The following CFAP100 variants were observed in gnomAD, a reference collection of about 807,000 sequenced individuals.
CFAP100 encodes cilia and flagella associated protein 100.
A neutral mutation model predicts 81.5 loss-of-function variants in CFAP100; 70 were observed. The ratio of observed to expected loss-of-function variants is 0.86; its 90% CI spans 0.71 to 1.05. CFAP100 has a LOEUF of 1.05. Among genes scored for constraint, CFAP100 ranks in the 50% least tolerant of loss-of-function variants. The pLI is 0.00. For missense variants in CFAP100, 811 were observed against 776.5 expected (o/e 1.04, Z -0.53); for synonymous variants, 341 against 314.8 (o/e 1.08, Z -0.88).
At chr3:126,415,272 C>T (rs1249071498) in intron 4 of CFAP100, among the ~76,000 whole-genome samples, 1 of 151,930 alleles carries the variant, frequency 6.6e-6, no homozygotes, top group African/African-American at 2.4e-5. Flanking sequence ...ACCCACCCAA[C>T]AGGATCACCA....
At chr3:126,423,759 G>A in intron 13 of CFAP100, 115 bp downstream of exon 13, 1 of 1,263,240 alleles carries the variant, frequency 7.9e-7, no homozygotes, top group Non-Finnish European at 1.1e-6. Flanking sequence ...CCCTGGCCTG[G>A]TCCAGGTTGT....
At chr3:126,421,184 A>G (rs1037346832) in intron 11 of CFAP100, among the ~76,000 whole-genome samples, 1 of 151,856 alleles carries the variant, frequency 6.6e-6, no homozygotes, top group Admixed American at 6.6e-5. Context: ...TTGTATTTTT[A>G]GTAGAGACGG....
chr3:126,417,128 A>T (rs1379287750), intron 5 of CFAP100, among the ~76,000 whole-genome samples: 1 of 152,178 alleles, frequency 6.6e-6, no homozygotes, highest in Non-Finnish European at 1.5e-5. Context: ...ATGGAGCTGG[A>T]CCTAGGTTTC....
intron 3 of CFAP100, among the ~76,000 whole-genome samples, chr3:126,408,744 G>A (rs750533999): frequency 5.9e-5 from 9 of 152,062 alleles, no homozygotes; most frequent in Non-Finnish European, 1.0e-4. Context: ...CTGACCCTCC[G>A]CACAAACTAT....
intron 2 of CFAP100, among the ~76,000 whole-genome samples, chr3:126,401,400 TATATATATATATATATATATATATA>T (rs1560061172): frequency 4.9e-4 from 20 of 40,986 alleles, no homozygotes; most frequent in East Asian, 3.7e-3. Flanking sequence ...TCGTATTTTA[TATATATATATATATATATATATATA>T]TATATATATA....
Position 126,427,893 on chromosome 3 carries a change from C to T in CFAP100, c.1286+4249C>T, listed in dbSNP as rs927024295. 3.9e-5 allele frequency among the ~76,000 whole-genome samples: 6 copies of T among 152,314 alleles called. 1 individual carries two copies. The South Asian group carries it at 8.3e-4, about 21-fold the overall frequency. Reference sequence around the variant, plus strand: ...GTCATAGCAGAAGGTGAAGGCACATCTTACATGGCTGGAGCAGCAGCAAGA... The same window carrying T: ...GTCATAGCAGAAGGTGAAGGCACATTTTACATGGCTGGAGCAGCAGCAAGA... On this transcript the variant is annotated intron_variant, in intron 13 of 16. Transcript: ENST00000352312.
chr3:126,435,147 G>C (rs771034966), intron 15 of CFAP100, among the ~76,000 whole-genome samples: 1 of 152,178 alleles, frequency 6.6e-6, no homozygotes, highest in Non-Finnish European at 1.5e-5. Flanking sequence ...TTTGATGACT[G>C]AGAGTATATA....
In CFAP100 at chr3:126,401,476, T is replaced by C. The variant is rs75801162; in HGVS notation, c.49+5427T>C. 5.4e-3 allele frequency among the ~76,000 whole-genome samples: 767 copies of C among 141,338 alleles called. 11 individuals are homozygous for C. The highest frequency in any genetic ancestry group is 0.019 in the African/African-American group (735 of 38,142). The allele number at this position is 141,338 out of a possible 152,430, so 92.7% of individuals were successfully genotyped here. ...GTTACTGCAATCAAAAAATGTGTTC[T>C]TAAAATGTGTTAAATAAGTGAAGTA... On this transcript the variant is annotated intron_variant, in intron 2 of 16. Coordinates refer to ENST00000352312, the MANE Select transcript of CFAP100 (RefSeq NM_182628.3).
intron 3 of CFAP100, 69 bp from the exon 4 acceptor site, chr3:126,414,016 G>A: frequency 1.7e-6 from 2 of 1,153,540 alleles, no homozygotes; most frequent in Non-Finnish European, 2.6e-6. Flanking sequence ...AGGCAGTGGG[G>A]CCCCAGAGAC....
intron 13 of CFAP100, 94 bp from the exon 14 acceptor site, chr3:126,432,975 T>C: frequency 6.9e-7 from 1 of 1,442,918 alleles, no homozygotes; most frequent in Non-Finnish European, 9.4e-7. Flanking sequence ...GGACAGCTGG[T>C]AGGGGCAAAG....
chr3:126,435,361 T>C (rs1933404026), intron 15 of CFAP100, among the ~76,000 whole-genome samples, 198 bp from the exon 16 acceptor site: 1 of 152,174 alleles, frequency 6.6e-6, no homozygotes, highest in Non-Finnish European at 1.5e-5. Context: ...TGTCCTCCTC[T>C]GGGCCTAGGC....
chr3:126,417,765 GC>G (rs2083266364), intron 5 of CFAP100, among the ~76,000 whole-genome samples: 1 of 152,238 alleles, frequency 6.6e-6, no homozygotes, highest in East Asian at 1.9e-4. Context: ...TCTTGCACCA[GC>G]CAAAGCAGGG....
At position 126,418,712 on chromosome 3, in the gene CFAP100, C is replaced by T. The variant is rs1409999870; in HGVS notation, c.588C>T (p.Asp196=). 1.4e-5 allele frequency: 23 copies of T among 1,591,850 alleles called. No homozygotes were observed. Among genetic ancestry groups the T allele is most frequent in the South Asian group, 2.3e-5 (2 of 87,722 alleles). The change falls in exon 7 of 17, where the codon GAC becomes GAT. Residue 196 remains aspartate, a synonymous_variant. Coordinates refer to ENST00000352312, the MANE Select transcript of CFAP100 (RefSeq NM_182628.3). The part of the protein sequence containing the change: ...LERAEKSLEK[D]AALFDEFVRE... Reference sequence around the variant, plus strand: ...GGGCCGAGAAATCCCTGGAGAAGGACGCCGCCTTGTTCGACGAGTTCGTCA... The same window carrying T: ...GGGCCGAGAAATCCCTGGAGAAGGATGCCGCCTTGTTCGACGAGTTCGTCA...
Position 126,434,346 on chromosome 3 carries a change from G to A in CFAP100, c.1593G>A (p.Gln531=). 3.1e-6 allele frequency: 5 copies of A among 1,614,002 alleles called. No individual in the cohort carries two copies. Among genetic ancestry groups the A allele is most frequent in the Non-Finnish European group, 4.2e-6 (5 of 1,180,004 alleles). The change falls in exon 15 of 17, where the codon CAG becomes CAA. Residue 531 remains glutamine (Q), a synonymous_variant. Coordinates refer to ENST00000352312, the MANE Select transcript of CFAP100 (RefSeq NM_182628.3). ...LEHVPQVKIE[Q]AERAKEKERR... is the part of the protein sequence containing the mutation. ...ACGTGCCCCAGGTCAAGATCGAGCA[G>A]GCCGAGAGGGCAAAGGAGAAGGAGC... is the stretch of plus-strand genomic sequence containing the variant.
chr3:126,424,455 T>C (rs554424456), intron 13 of CFAP100, among the ~76,000 whole-genome samples: 3 of 152,358 alleles, frequency 2.0e-5, no homozygotes, highest in East Asian at 1.9e-4. Context: ...TGGAGCCCAA[T>C]TGAGGCTATT....
intron 2 of CFAP100, among the ~76,000 whole-genome samples, chr3:126,401,005 C>T (rs556452870): frequency 6.6e-6 from 1 of 152,232 alleles, no homozygotes; most frequent in East Asian, 1.9e-4. Context: ...TATTCAGCCT[C>T]AAAAAGGAAG....
intron 1 of CFAP100, among the ~76,000 whole-genome samples, chr3:126,395,621 A>G (rs1219488107): frequency 6.6e-6 from 1 of 152,190 alleles, no homozygotes; most frequent in African/African-American, 2.4e-5. Context: ...AGGTCTCTCT[A>G]AAGAGGTGAC....
At chr3:126,403,383 CTTT>C (rs10707460) in intron 2 of CFAP100, among the ~76,000 whole-genome samples, 34 of 117,572 alleles carry the variant, frequency 2.9e-4, no homozygotes, top group South Asian at 2.7e-4. Flanking sequence ...TGTATTTTAT[CTTT>C]TTTTTTTTTT....
chr3:126,401,086 A>G (rs1380352834), intron 2 of CFAP100, among the ~76,000 whole-genome samples: 1 of 152,112 alleles, frequency 6.6e-6, no homozygotes, highest in Non-Finnish European at 1.5e-5. Context: ...CCAAACACAA[A>G]AAGACAAATA....
Sources: gnomAD v4.1 joint callset for allele counts (sites outside exome capture counted in the v4.1 genomes callset) on GRCh38, gnomAD v4.1.1 for gene constraint, MANE v1.5 for transcripts, NCBI Gene and HGNC (gene_info 2026-07-23, HGNC 2026-07-21) for gene names.